The following STK3 variants were observed in gnomAD, a reference collection of about 807,000 sequenced individuals.
The protein encoded by STK3 is serine/threonine-protein kinase 3.
A neutral mutation model predicts 58.0 loss-of-function variants in STK3; 41 were observed. The ratio of observed to expected loss-of-function variants is 0.71; its 90% CI spans 0.55 to 0.92. The LOEUF (loss-of-function observed/expected upper bound fraction) is 0.92, where lower values mean the gene tolerates loss of function less well. STK3 is among the 40% of genes least tolerant of loss of function. STK3 has a pLI of 0.00. For missense variants in STK3, 479 were observed against 602.7 expected, an observed-to-expected ratio of 0.79 and a Z score of 2.15; for synonymous variants, 170 against 191.0, an observed-to-expected ratio of 0.89 and a Z score of 0.91.
chr8:98,397,196 G>A (rs1472049962), downstream of STK3, among the ~76,000 whole-genome samples: 1 of 152,182 alleles, frequency 6.6e-6, no homozygotes, highest in Non-Finnish European at 1.5e-5. Flanking sequence ...CTGTCCGACA[G>A]ATAAATCCAA....
intron 4 of STK3, among the ~76,000 whole-genome samples, chr8:98,712,815 A>C (rs1477751904): frequency 6.6e-6 from 1 of 152,176 alleles, no homozygotes; most frequent in African/African-American, 2.4e-5. Flanking sequence ...CTCCACCCCA[A>C]ATCAACAGAA....
At chr8:98,699,325 G>A (rs1332486404) in intron 6 of STK3, among the ~76,000 whole-genome samples, 2 of 152,158 alleles carry the variant, frequency 1.3e-5, no homozygotes, top group Non-Finnish European at 2.9e-5. Context: ...CTGTAGCTTG[G>A]AGTAGTTTGA....
chr8:98,790,243 T>C (rs1165281951), intron 1 of STK3, among the ~76,000 whole-genome samples: 1 of 152,050 alleles, frequency 6.6e-6, no homozygotes, highest in Non-Finnish European at 1.5e-5. Context: ...TACAGACCAA[T>C]ATCCCTGATT....
chr8:98,462,421 T>C (rs1172515871), intron 10 of STK3, among the ~76,000 whole-genome samples: 1 of 152,226 alleles, frequency 6.6e-6, no homozygotes, highest in Non-Finnish European at 1.5e-5. Flanking sequence ...TTACTCATCC[T>C]TCAGTGAGTT....
intron 3 of STK3, among the ~76,000 whole-genome samples, chr8:98,411,146 CA>C (rs1038973528): frequency 4.6e-5 from 7 of 152,148 alleles, no homozygotes; most frequent in Non-Finnish European, 8.8e-5. Context: ...CTTGCATAGT[CA>C]AAAGAAATAA....
At chr8:98,782,109 C>A in intron 1 of STK3, 1 of 235,000 alleles carries the variant, frequency 4.3e-6, no homozygotes. Context: ...GAAGATCTGG[C>A]TGGACACCAA....
chr8:98,662,613 T>C (rs967629464), intron 6 of STK3, among the ~76,000 whole-genome samples: 1 of 152,114 alleles, frequency 6.6e-6, no homozygotes, highest in African/African-American at 2.4e-5. Context: ...TATGAAGGCT[T>C]TGAAACCACA....
chr8:98,673,452 G>A (rs1204359875), intron 6 of STK3, among the ~76,000 whole-genome samples: 1 of 152,132 alleles, frequency 6.6e-6, no homozygotes, highest in Non-Finnish European at 1.5e-5. Flanking sequence ...GGAATAAAAT[G>A]CGTGCTACAA....
chr8:98,715,359 G>A (rs1826909578), intron 4 of STK3, among the ~76,000 whole-genome samples: 1 of 151,218 alleles, frequency 6.6e-6, no homozygotes, highest in Admixed American at 6.6e-5. Context: ...TACAGAATGG[G>A]AGAAAATTTT....
chr8:98,597,793 G>C (rs1433830373), intron 6 of STK3: 1 of 983,410 alleles, frequency 1.0e-6, no homozygotes, highest in Admixed American at 6.2e-5. Context: ...ACATATCTCA[G>C]ACCCCCAGAG....
intron 1 of STK3, chr8:98,904,871 G>A: frequency 2.2e-5 from 15 of 680,908 alleles, no homozygotes; most frequent in South Asian, 2.0e-4. Flanking sequence ...CAGAAGTAGA[G>A]TTGAGGTGGC....
chr8:98,709,479 C>A (rs906982973), intron 4 of STK3, among the ~76,000 whole-genome samples: 1 of 152,090 alleles, frequency 6.6e-6, no homozygotes, highest in African/African-American at 2.4e-5. Context: ...GATATCAAAG[C>A]CAGACAAAGT....
chr8:98,711,098 C>T (rs187386985), intron 4 of STK3, among the ~76,000 whole-genome samples: 1 of 152,298 alleles, frequency 6.6e-6, no homozygotes, highest in South Asian at 2.1e-4. Context: ...GGAAAACTAA[C>T]AAACAGAAAG....
intron 6 of STK3, among the ~76,000 whole-genome samples, chr8:98,674,468 A>G (rs2130859692): frequency 6.6e-6 from 1 of 152,300 alleles, no homozygotes; most frequent in South Asian, 2.1e-4. Flanking sequence ...AATTTTAAAA[A>G]GACAAAATCA....
At chr8:98,632,027 T>C (rs571289065) in intron 6 of STK3, among the ~76,000 whole-genome samples, 1 of 152,330 alleles carries the variant, frequency 6.6e-6, no homozygotes, top group African/African-American at 2.4e-5. Context: ...TGGAACTTTG[T>C]TTCATTCACT....
intron 4 of STK3, among the ~76,000 whole-genome samples, chr8:98,733,826 A>C (rs1490803218): frequency 6.6e-6 from 1 of 152,170 alleles, no homozygotes; most frequent in African/African-American, 2.4e-5. Flanking sequence ...ATGTGTTTTG[A>C]ACCTTTCCAT....
chr8:98,488,338 T>C (rs1420299466), intron 10 of STK3, among the ~76,000 whole-genome samples: 2 of 152,154 alleles, frequency 1.3e-5, no homozygotes, highest in Non-Finnish European at 2.9e-5. Context: ...TAGAAAAAAA[T>C]GTCCTTGAGG....
chr8:98,511,195 A>C (rs1049509075), intron 10 of STK3, among the ~76,000 whole-genome samples: 6 of 152,116 alleles, frequency 3.9e-5, no homozygotes, highest in Admixed American at 2.6e-4. Flanking sequence ...AAATGAATAA[A>C]ATCTATTGAG....
At chr8:98,523,196 AAAC>A (rs1251183053) in intron 10 of STK3, among the ~76,000 whole-genome samples, 2 of 152,194 alleles carry the variant, frequency 1.3e-5, no homozygotes, top group African/African-American at 4.8e-5. Context: ...ACGTCTTCAG[AAAC>A]ACTTGTTATT....
Sources: allele counts gnomAD v4.1 joint callset (sites outside exome capture counted in the v4.1 genomes callset), GRCh38; gene constraint gnomAD v4.1.1; transcripts MANE v1.5; gene names NCBI Gene and HGNC (gene_info 2026-07-23, HGNC 2026-07-21).